The following SUCLG2 variants were observed in gnomAD, a reference collection of about 807,000 sequenced individuals.
SUCLG2 encodes succinate-CoA ligase GDP-forming subunit beta.
In SUCLG2, 42 loss-of-function variants were observed where a neutral mutation model predicts 47.9. The observed-to-expected ratio is 0.88, with a 90% CI of 0.69 to 1.14. The LOEUF (loss-of-function observed/expected upper bound fraction) is 1.14, where lower values mean the gene tolerates loss of function less well. SUCLG2 is among the 50% of genes most tolerant of loss of function. SUCLG2 has a pLI of 0.00. For missense variants in SUCLG2, 571 were observed against 525.9 expected (o/e 1.09, Z -0.84); for synonymous variants, 195 against 197.3 (o/e 0.99, Z 0.10).
intron 3 of SUCLG2, among the ~76,000 whole-genome samples, chr3:67,528,588 G>T (rs1342935311): frequency 6.6e-6 from 1 of 152,136 alleles, no homozygotes; most frequent in Non-Finnish European, 1.5e-5. Context: ...GAAAGGAAGA[G>T]GGTAAAGATC....
intron 9 of SUCLG2, among the ~76,000 whole-genome samples, chr3:67,414,231 T>C (rs1157185796): frequency 3.3e-5 from 5 of 152,200 alleles, no homozygotes; most frequent in Non-Finnish European, 5.9e-5. Context: ...TTTCATACTA[T>C]GCCATCTAAC....
intron 10 of SUCLG2, among the ~76,000 whole-genome samples, chr3:67,378,987 C>A (rs1316532755): frequency 6.6e-6 from 1 of 152,142 alleles, no homozygotes; most frequent in East Asian, 1.9e-4. Context: ...TGCTCTGTCA[C>A]CCAGGCTGGA....
intron 2 of SUCLG2, among the ~76,000 whole-genome samples, chr3:67,543,374 T>G (rs1475553446): frequency 6.6e-6 from 1 of 152,192 alleles, no homozygotes; most frequent in Non-Finnish European, 1.5e-5. Context: ...TTGGGTGTGG[T>G]GGCTCATGCC....
intron 9 of SUCLG2, among the ~76,000 whole-genome samples, chr3:67,454,190 A>G (rs531031982): frequency 2.0e-4 from 30 of 152,296 alleles, no homozygotes; most frequent in African/African-American, 7.2e-4. Flanking sequence ...CTAAATCATG[A>G]GCTCTTTAAG....
intron 10 of SUCLG2, chr3:67,376,168 G>T: frequency 1.1e-6 from 1 of 917,544 alleles, no homozygotes; most frequent in South Asian, 5.2e-5. Flanking sequence ...GCCCACACCA[G>T]AAGTCACTTG....
At chr3:67,491,267 A>G (rs1285050134) in intron 9 of SUCLG2, among the ~76,000 whole-genome samples, 42 of 150,034 alleles carry the variant, frequency 2.8e-4, no homozygotes, top group Admixed American at 2.8e-3. Context: ...AAAAGAAATT[A>G]CCTGTGGAGA....
chr3:67,390,461 T>C (rs1702356033), intron 10 of SUCLG2, among the ~76,000 whole-genome samples: 1 of 152,210 alleles, frequency 6.6e-6, no homozygotes, highest in Non-Finnish European at 1.5e-5. Context: ...ATTCTCCTCT[T>C]TGAAAATGGT....
chr3:67,643,359 ACT>A (rs1701135931), intron 1 of SUCLG2, among the ~76,000 whole-genome samples: 1 of 152,096 alleles, frequency 6.6e-6, no homozygotes, highest in African/African-American at 2.4e-5. Flanking sequence ...CATTTAATTC[ACT>A]GTTTAATATT....
intron 2 of SUCLG2, among the ~76,000 whole-genome samples, chr3:67,578,788 CT>C: frequency 6.6e-6 from 1 of 152,300 alleles, no homozygotes; most frequent in South Asian, 2.1e-4. Context: ...CCTTCTCTCA[CT>C]GGTCAAAGTC....
At chr3:67,577,162 A>G (rs1452639356) in intron 2 of SUCLG2, among the ~76,000 whole-genome samples, 5 of 152,180 alleles carry the variant, frequency 3.3e-5, no homozygotes, top group African/African-American at 1.2e-4. Flanking sequence ...GTACAAAAAA[A>G]TTAGACAAGC....
intron 9 of SUCLG2, among the ~76,000 whole-genome samples, chr3:67,422,744 C>G (rs1051135730): frequency 6.6e-6 from 1 of 151,974 alleles, no homozygotes; most frequent in Non-Finnish European, 1.5e-5. Context: ...TAAGATAATG[C>G]CTATAGGGAG....
intron 1 of SUCLG2, among the ~76,000 whole-genome samples, chr3:67,650,522 T>C (rs1189743013): frequency 1.3e-5 from 2 of 152,160 alleles, no homozygotes; most frequent in Non-Finnish European, 2.9e-5. Context: ...TTTGGGAGGC[T>C]GAAGGGGGCA....
chr3:67,588,615 T>C (rs551155140), intron 2 of SUCLG2, among the ~76,000 whole-genome samples: 1 of 152,310 alleles, frequency 6.6e-6, no homozygotes, highest in African/African-American at 2.4e-5. Flanking sequence ...AGTTATGAAA[T>C]ACCCAACACC....
intron 9 of SUCLG2, among the ~76,000 whole-genome samples, chr3:67,446,921 CT>C (rs1459138123): frequency 1.3e-5 from 2 of 151,776 alleles, no homozygotes; most frequent in African/African-American, 4.8e-5. Context: ...TAATGTAATC[CT>C]TAATAAGATG....
intron 2 of SUCLG2, 147 bp from the exon 3 acceptor site, chr3:67,529,333 ACTTC>A: frequency 1.6e-6 from 1 of 630,874 alleles, no homozygotes; most frequent in Non-Finnish European, 2.7e-6. Context: ...GCAATGAAGA[ACTTC>A]AAAAAAACAT....
chr3:67,654,461 G>A (rs759887993), intron 1 of SUCLG2, 42 bp downstream of exon 1: 8 of 1,224,664 alleles, frequency 6.5e-6, no homozygotes, highest in African/African-American at 1.6e-5. Context: ...CGGGCAGGCC[G>A]GCGCCGCTGC....
intron 1 of SUCLG2, among the ~76,000 whole-genome samples, chr3:67,623,119 C>A (rs1700763285): frequency 6.6e-6 from 1 of 152,102 alleles, no homozygotes; most frequent in East Asian, 1.9e-4. Context: ...ATATATATGT[C>A]ATTCCCCCCA....
At chr3:67,398,758 C>G (rs1265958199) in intron 10 of SUCLG2, among the ~76,000 whole-genome samples, 1 of 152,150 alleles carries the variant, frequency 6.6e-6, no homozygotes, top group Non-Finnish European at 1.5e-5. Context: ...ATAGCAAAGC[C>G]TTGGAACCAA....
At chr3:67,399,527 A>G (rs1279938949) in intron 10 of SUCLG2, among the ~76,000 whole-genome samples, 3 of 152,228 alleles carry the variant, frequency 2.0e-5, no homozygotes, top group African/African-American at 7.2e-5. Flanking sequence ...AGTCAAATTC[A>G]AATTCTAGAC....
Sources: allele counts gnomAD v4.1 joint callset (sites outside exome capture counted in the v4.1 genomes callset), GRCh38; gene constraint gnomAD v4.1.1; transcripts MANE v1.5; gene names NCBI Gene and HGNC (gene_info 2026-07-23, HGNC 2026-07-21).